Variants in NKD2 observed in about 807,000 individuals in gnomAD.
The protein encoded by NKD2 is protein naked cuticle homolog 2.
Under a neutral mutation model 34.8 loss-of-function variants are expected in NKD2, and 43 were observed. The ratio of observed to expected loss-of-function variants is 1.24; its 90% CI spans 0.97 to 1.60. The LOEUF (loss-of-function observed/expected upper bound fraction) is 1.60. NKD2 is among the 40% of genes most tolerant of loss of function. The pLI is 0.00. For synonymous variants in NKD2, 278 were observed against 265.1 expected (o/e 1.05, Z -0.47); for missense variants, 675 against 627.1 (o/e 1.08, Z -0.82).
At chr5:1,021,472 A>G (rs1469535415) in intron 3 of NKD2, among the ~76,000 whole-genome samples, 2 of 147,538 alleles carry the variant, frequency 1.4e-5, no homozygotes, top group Middle Eastern at 3.5e-3. Flanking sequence ...TAAATCTTTC[A>G]CTTTAGAACC....
At chr5:1,012,286 C>T (rs1271359474) in intron 3 of NKD2, among the ~76,000 whole-genome samples, 1 of 152,250 alleles carries the variant, frequency 6.6e-6, no homozygotes, top group Non-Finnish European at 1.5e-5. Flanking sequence ...GGGGCTAACT[C>T]CAGAGGCAGC....
chr5:1,036,493 C>CCA, intron 9 of NKD2, 109 bp downstream of exon 9: 1 of 535,054 alleles, frequency 1.9e-6, no homozygotes, highest in South Asian at 2.2e-5. Context: ...CCCTGCCCCG[C>CCA]CCCCCCCCAA....
intron 9 of NKD2, 108 bp downstream of exon 9, chr5:1,036,492 GCCCCCCCCCAAC>G: frequency 2.4e-6 from 1 of 411,714 alleles, no homozygotes; most frequent in South Asian, 5.4e-5. Context: ...GCCCTGCCCC[GCCCCCCCCCAAC>G]CCCCCCCACC....
Position 1,019,850 on chromosome 5 carries a change from CA to C in NKD2, c.141+10295del, listed in dbSNP as rs1485797040. ...AGGCTTTAATATGAATGAAAGAAAA[CA>C]AAAACGTCCGGTGGGTTTTTCCCGG... On this transcript the variant is annotated intron_variant, in intron 3 of 9. Coordinates refer to ENST00000296849, the MANE Select transcript of NKD2 (RefSeq NM_033120.4). Among the ~76,000 whole-genome samples the C allele has an allele frequency of 4.6e-5, 7 of 151,544 alleles. No individual in the cohort carries two copies. The East Asian group carries it at 1.4e-3, about 30-fold the overall frequency.
In NKD2 at chr5:1,021,849, C is replaced by T. The variant is rs369048833; in HGVS notation, c.142-10303C>T. Among the ~76,000 whole-genome samples, 116 of 152,220 alleles carry T rather than the reference C, an allele frequency of 7.6e-4. 2 individuals are homozygous for T. In the East Asian group the frequency reaches 0.016, roughly 21 times the overall value. The stretch of plus-strand genomic sequence containing the variant: ...ATCTGAGCTCCCAGCAGGGATAAGG[C>T]GGATGGGGTGGTGGTCTTTGCATTT... On this transcript the variant is annotated intron_variant, in intron 3 of 9. Coordinates refer to ENST00000296849, the MANE Select transcript of NKD2 (RefSeq NM_033120.4).
At chr5:1,022,210 C>CACT (rs1756225224) in intron 3 of NKD2, among the ~76,000 whole-genome samples, 3 of 151,672 alleles carry the variant, frequency 2.0e-5, no homozygotes, top group Admixed American at 1.3e-4. Context: ...TCTTCCCACC[C>CACT]GCTGTGGGTG....
Position 1,009,355 on chromosome 5 carries a change from C to T in NKD2, c.62-126C>T. On this transcript the variant is annotated intron_variant, in intron 2 of 9. Transcript: ENST00000296849. This position sits in a 1 kb window ranked among gnomAD's most constrained non-coding sequence, Gnocchi z 6.9. ...GGTCTCCAGGAGCGCGCGGGACCCCCACGCCTGCCCCTGCGCGGTCTCCAG... is the reference window on the plus strand; with the variant it reads ...GGTCTCCAGGAGCGCGCGGGACCCCTACGCCTGCCCCTGCGCGGTCTCCAG... 1.4e-6 allele frequency: 1 copy of T among 701,746 alleles called. No individual in the cohort carries two copies. Among genetic ancestry groups the T allele is most frequent in the Non-Finnish European group, 2.2e-6 (1 of 458,484 alleles). 43.5% of individuals were successfully genotyped at this position (701,746 alleles called of 1,614,324 possible). A position where few individuals can be genotyped will look rare whatever the true frequency, so the allele number is the denominator to read the frequency against.
chr5:1,025,003 G>T (rs1300251355), intron 3 of NKD2, among the ~76,000 whole-genome samples: 9 of 7,602 alleles, frequency 1.2e-3, no homozygotes, highest in Admixed American at 7.0e-3. Context: ...CTTCCCACCC[G>T]CTGTGGGCGT....
At chr5:1,032,060 C>G (rs752419995) in intron 3 of NKD2, 92 bp from the exon 4 acceptor site, 32 of 1,019,314 alleles carry the variant, frequency 3.1e-5, no homozygotes, top group Non-Finnish European at 4.0e-5. Context: ...AGGCGAGTGT[C>G]AGGCTCCAGT....
At chr5:1,035,617 T>G in intron 8 of NKD2, 144 bp downstream of exon 8, 1 of 653,994 alleles carries the variant, frequency 1.5e-6, no homozygotes, top group Non-Finnish European at 2.7e-6. Flanking sequence ...AGCAGCTCTG[T>G]GGGGCATGGG....
intron 3 of NKD2, among the ~76,000 whole-genome samples, chr5:1,026,785 C>T (rs905917429): frequency 2.6e-5 from 4 of 152,262 alleles, no homozygotes; most frequent in Admixed American, 6.5e-5. Flanking sequence ...GGCAGGAGGT[C>T]ACTGCTGGCC....
At position 1,038,727 on chromosome 5, in the gene NKD2, G is replaced by T. The variant is rs1734157939; in HGVS notation, c.*354G>T. 3 of 535,772 alleles carry T rather than the reference G, an allele frequency of 5.6e-6. No homozygotes were observed. The highest frequency in any genetic ancestry group is 6.8e-6 in the Non-Finnish European group (2 of 294,930). 33.2% of individuals were successfully genotyped at this position (535,772 alleles called of 1,614,324 possible). A position where few individuals can be genotyped will look rare whatever the true frequency, so the allele number is the denominator to read the frequency against. On this transcript the variant is annotated 3_prime_UTR_variant, in exon 10 of 10. Transcript: ENST00000296849. This position sits in a 1 kb window ranked among gnomAD's most constrained non-coding sequence, Gnocchi z 4.5. ...AGGAGTGCCCGGATGCTTGGGGTGG[G>T]TGTTCCTCCCGGGGCTTCAAGGGGT...
chr5:1,028,366 G>A (rs1756509173), intron 3 of NKD2, among the ~76,000 whole-genome samples: 1 of 152,212 alleles, frequency 6.6e-6, no homozygotes, highest in Non-Finnish European at 1.5e-5. Flanking sequence ...CGAGGCTATG[G>A]GTTCTGGTCC....
At chr5:1,020,288 G>A (rs1756122040) in intron 3 of NKD2, among the ~76,000 whole-genome samples, 1 of 152,132 alleles carries the variant, frequency 6.6e-6, no homozygotes, top group South Asian at 2.1e-4. Flanking sequence ...GTATATGTAG[G>A]TGTATGTATG....
Position 1,038,564 on chromosome 5 carries a change from A to T in NKD2, c.*191A>T, listed in dbSNP as rs1734145711. The T allele has an allele frequency of 1.4e-5, 16 of 1,181,820 alleles. No homozygotes were observed. The highest frequency in any genetic ancestry group is 1.7e-5 in the Non-Finnish European group (14 of 825,844). The allele number at this position is 1,181,820 out of a possible 1,614,324, so 73.2% of individuals were successfully genotyped here. ...CACCTTGGACACGTGGACAAGGCCC[A>T]GGCGCCCTCTGCTCTTCTGCCCTCG... is the stretch of plus-strand genomic sequence containing the variant. On this transcript the variant is annotated 3_prime_UTR_variant, in exon 10 of 10. Transcript: ENST00000296849. This position sits in a 1 kb window ranked among gnomAD's most constrained non-coding sequence, Gnocchi z 4.5.
At chr5:1,026,666 T>A (rs1033140785) in intron 3 of NKD2, among the ~76,000 whole-genome samples, 3 of 152,248 alleles carry the variant, frequency 2.0e-5, no homozygotes, top group African/African-American at 7.2e-5. Flanking sequence ...AGCCTTTTCC[T>A]GAGAGGCCCA....
In NKD2 at chr5:1,009,664, G is replaced by A; in HGVS notation, c.141+104G>A. The A allele has an allele frequency of 1.0e-6, 1 of 968,590 alleles. No individual in the cohort carries two copies. Among genetic ancestry groups the A allele is most frequent in the South Asian group, 2.1e-5 (1 of 47,130 alleles). 60.0% of individuals were successfully genotyped at this position (968,590 alleles called of 1,614,324 possible). A position where few individuals can be genotyped will look rare whatever the true frequency, so the allele number is the denominator to read the frequency against. ...GCCCGCCCGCGGACAGGCGAGACGT[G>A]GGCCGCCATGGCCGCACGAGTGACC... On this transcript the variant is annotated intron_variant, in intron 3 of 9. Transcript: ENST00000296849. This position sits in a 1 kb window ranked among gnomAD's most constrained non-coding sequence, Gnocchi z 6.9.
In NKD2 at chr5:1,034,811, ACTC is replaced by A; in HGVS notation, c.486_488del (p.Ser163del). The A allele has an allele frequency of 2.5e-6, 4 of 1,612,310 alleles. No individual in the cohort carries two copies. The highest frequency in any genetic ancestry group is 3.4e-6 in the Non-Finnish European group (4 of 1,179,844). On this transcript the variant is annotated inframe_deletion, in exon 7 of 10. Coordinates refer to ENST00000296849, the MANE Select transcript of NKD2 (RefSeq NM_033120.4). Reference sequence around the variant, plus strand: ...GAGGTCGTGGATGCCTCGGTCAACCACTCCTCGGGCAGCAGCAAGACCCTCCGT... The same window carrying A: ...GAGGTCGTGGATGCCTCGGTCAACCACTCGGGCAGCAGCAAGACCCTCCGT...
At chr5:1,022,099 C>G (rs899159874) in intron 3 of NKD2, among the ~76,000 whole-genome samples, 6 of 151,522 alleles carry the variant, frequency 4.0e-5, no homozygotes, top group African/African-American at 1.5e-4. Context: ...CCAGAGCCTG[C>G]ACCCTTGACC....
Sources: gnomAD v4.1 joint callset for allele counts (sites outside exome capture counted in the v4.1 genomes callset) on GRCh38, gnomAD v4.1.1 for gene constraint, Gnocchi (gnomAD v3.1) non-coding constraint, MANE v1.5 for transcripts, NCBI Gene and HGNC (gene_info 2026-07-23, HGNC 2026-07-21) for gene names.